The following VTI1A variants were observed in gnomAD, a reference collection of about 807,000 sequenced individuals.
VTI1A encodes vesicle transport through interaction with t-SNAREs homolog 1A.
A neutral mutation model predicts 34.9 loss-of-function variants in VTI1A; 22 were observed. The observed-to-expected ratio is 0.63, with a 90% CI of 0.45 to 0.90. The LOEUF (loss-of-function observed/expected upper bound fraction) is 0.90, where lower values mean the gene tolerates loss of function less well. VTI1A is among the 40% of genes least tolerant of loss of function. The pLI, the probability that VTI1A is intolerant of heterozygous loss-of-function variation, is 0.00. For synonymous variants in VTI1A, 87 were observed against 97.3 expected, an observed-to-expected ratio of 0.89 and a Z score of 0.62; for missense variants, 268 against 275.6, an observed-to-expected ratio of 0.97 and a Z score of 0.20.
chr10:112,798,949 G>T (rs892337289), intron 7 of VTI1A, among the ~76,000 whole-genome samples: 4 of 152,172 alleles, frequency 2.6e-5, no homozygotes, highest in African/African-American at 9.7e-5. Context: ...ACCATGCCAA[G>T]GTCAGGGGGC....
At chr10:112,720,659 G>T (rs190424471) in intron 7 of VTI1A, among the ~76,000 whole-genome samples, 125 of 152,266 alleles carry the variant, frequency 8.2e-4, no homozygotes, top group African/African-American at 2.9e-3. Flanking sequence ...TTTTACCATG[G>T]TAGTATTTTA....
chr10:112,653,642 A>C (rs1343405417), intron 5 of VTI1A, among the ~76,000 whole-genome samples: 1 of 152,244 alleles, frequency 6.6e-6, no homozygotes, highest in Non-Finnish European at 1.5e-5. Flanking sequence ...GTATCCATTA[A>C]GTGCTTAGCA....
chr10:112,768,861 C>T (rs935400917), intron 7 of VTI1A, among the ~76,000 whole-genome samples: 6 of 152,028 alleles, frequency 3.9e-5, no homozygotes, highest in African/African-American at 7.3e-5. Context: ...ATGAAATATG[C>T]GTTTATGCAG....
chr10:112,833,139 C>T, the VTI1A span, among the ~76,000 whole-genome samples: 29 of 152,124 alleles, frequency 1.9e-4, no homozygotes, highest in Admixed American at 4.6e-4. Flanking sequence ...TCTCCTTCCC[C>T]TCCCCATGCT....
At chr10:112,843,510 C>T in the VTI1A span, among the ~76,000 whole-genome samples, 1 of 152,344 alleles carries the variant, frequency 6.6e-6, no homozygotes, top group East Asian at 1.9e-4. Context: ...TGCACTCCTG[C>T]TCTAAACTGA....
chr10:112,687,526 C>T (rs547186728), intron 7 of VTI1A, among the ~76,000 whole-genome samples: 9 of 152,006 alleles, frequency 5.9e-5, no homozygotes, highest in South Asian at 2.1e-4. Flanking sequence ...AGCCACTGCG[C>T]CCGGCAACTT....
At chr10:112,544,864 G>A (rs975774809) in intron 5 of VTI1A, among the ~76,000 whole-genome samples, 2 of 152,164 alleles carry the variant, frequency 1.3e-5, no homozygotes, top group African/African-American at 4.8e-5. Flanking sequence ...GAGCCAGGGA[G>A]CACGGGGCAT....
chr10:112,766,631 A>G (rs1851654443), intron 7 of VTI1A, among the ~76,000 whole-genome samples: 1 of 116,786 alleles, frequency 8.6e-6, no homozygotes, highest in East Asian at 2.7e-4. Flanking sequence ...CAGATTAACA[A>G]AAAATGCTCA....
At chr10:112,659,549 G>A (rs183446926) in intron 5 of VTI1A, among the ~76,000 whole-genome samples, 1 of 152,154 alleles carries the variant, frequency 6.6e-6, no homozygotes, top group Admixed American at 6.5e-5. Flanking sequence ...GTAACTAAGG[G>A]GAGGTTCTGC....
At chr10:112,539,116 C>A (rs1850765120) in intron 5 of VTI1A, among the ~76,000 whole-genome samples, 1 of 152,080 alleles carries the variant, frequency 6.6e-6, no homozygotes, top group African/African-American at 2.4e-5. Flanking sequence ...TTACTCTACG[C>A]TTTTTATTTT....
chr10:112,493,132 T>G (rs1848893459), intron 3 of VTI1A, among the ~76,000 whole-genome samples: 1 of 152,258 alleles, frequency 6.6e-6, no homozygotes, highest in African/African-American at 2.4e-5. Context: ...TTAGATTTTC[T>G]TTAATTTCTT....
chr10:112,586,920 G>A (rs1844183374), intron 5 of VTI1A, among the ~76,000 whole-genome samples: 1 of 152,046 alleles, frequency 6.6e-6, no homozygotes. Context: ...ATTCTTTCAT[G>A]GACCTTGAAA....
At chr10:112,849,566 T>C in the VTI1A span, among the ~76,000 whole-genome samples, 1 of 152,228 alleles carries the variant, frequency 6.6e-6, no homozygotes, top group African/African-American at 2.4e-5. Context: ...GGGCTCTGCC[T>C]GGGTATCCAT....
downstream of VTI1A, among the ~76,000 whole-genome samples, chr10:112,820,167 C>T (rs1333112157): frequency 1.3e-5 from 2 of 152,248 alleles, no homozygotes; most frequent in Non-Finnish European, 2.9e-5. Context: ...GATCTCAAGC[C>T]TCCATTTCAA....
intron 5 of VTI1A, among the ~76,000 whole-genome samples, chr10:112,610,868 G>C (rs1308350143): frequency 6.6e-6 from 1 of 151,928 alleles, no homozygotes; most frequent in African/African-American, 2.4e-5. Flanking sequence ...GCAGTGAGCT[G>C]AGATCGCGCC....
chr10:112,653,164 C>G (rs546262824), intron 5 of VTI1A, among the ~76,000 whole-genome samples: 26 of 152,138 alleles, frequency 1.7e-4, no homozygotes, highest in Non-Finnish European at 3.5e-4. Flanking sequence ...AGTGTACACC[C>G]TATGTAAATG....
chr10:112,673,770 G>A (rs1274466547), intron 7 of VTI1A, among the ~76,000 whole-genome samples: 1 of 152,106 alleles, frequency 6.6e-6, no homozygotes, highest in Non-Finnish European at 1.5e-5. Flanking sequence ...TAGAATGACA[G>A]GTAAAACATC....
At chr10:112,722,219 A>C (rs1219324681) in intron 7 of VTI1A, among the ~76,000 whole-genome samples, 2 of 152,202 alleles carry the variant, frequency 1.3e-5, no homozygotes, top group East Asian at 3.9e-4. Flanking sequence ...GCTGTATACA[A>C]CAAGGGATCT....
intron 7 of VTI1A, among the ~76,000 whole-genome samples, chr10:112,793,836 A>G (rs1429056492): frequency 6.6e-6 from 1 of 152,216 alleles, no homozygotes; most frequent in African/African-American, 2.4e-5. Flanking sequence ...CTGATGTTTT[A>G]CGACATCATT....
Sources: allele counts gnomAD v4.1 joint callset (sites outside exome capture counted in the v4.1 genomes callset), GRCh38; gene constraint gnomAD v4.1.1; transcripts MANE v1.5; gene names NCBI Gene and HGNC (gene_info 2026-07-23, HGNC 2026-07-21).